SASH1: variants seen among roughly 807,000 people sequenced by gnomAD.
SASH1 encodes SAM and SH3 domain-containing protein 1.
In SASH1, 44 loss-of-function variants were observed where a neutral mutation model predicts 125.2. That is an observed-to-expected ratio of 0.35 (90% CI 0.28 to 0.45). The LOEUF (loss-of-function observed/expected upper bound fraction) is 0.45, where lower values mean the gene tolerates loss of function less well. Among genes scored for constraint, SASH1 ranks in the 20% least tolerant of loss-of-function variants. The probability of loss-of-function intolerance (pLI) is 1.00; values close to 1 mark genes in which losing one functional copy is unlikely to be tolerated. For missense variants in SASH1, 1,426 were observed against 1,614.5 expected (o/e 0.88, Z 2.00); for synonymous variants, 639 against 649.1 (o/e 0.98, Z 0.24).
At chr6:148,379,180 A>G (rs143986598) in intron 1 of SASH1, among the ~76,000 whole-genome samples, 6 of 152,248 alleles carry the variant, frequency 3.9e-5, no homozygotes, top group African/African-American at 4.8e-5. Context: ...ATCTATGGCT[A>G]TTGAATTCAT....
At chr6:148,412,066 A>C (rs1190567858) in intron 2 of SASH1, among the ~76,000 whole-genome samples, 1 of 152,096 alleles carries the variant, frequency 6.6e-6, no homozygotes, top group Non-Finnish European at 1.5e-5. Context: ...GAATGTTGCC[A>C]CTCATGACTC....
At position 148,493,489 on chromosome 6, in the gene SASH1, C is replaced by T. The variant is rs138774540; in HGVS notation, c.729+5774C>T. 2.6e-3 allele frequency among the ~76,000 whole-genome samples: 396 copies of T among 152,276 alleles called. 3 individuals are homozygous for T. The highest frequency in any genetic ancestry group is 9.1e-3 in the African/African-American group (377 of 41,542). On this transcript the variant is annotated intron_variant, in intron 8 of 19. Coordinates refer to ENST00000367467, the MANE Select transcript of SASH1 (RefSeq NM_015278.5). ...TTTCTATCGATTCCTTTCTAGAATA[C>T]AGAGATGTGAATAGCCCACTGGCTC...
chr6:148,439,011 G>GTA (rs1206658831), intron 2 of SASH1, among the ~76,000 whole-genome samples: 1 of 152,082 alleles, frequency 6.6e-6, no homozygotes, highest in Non-Finnish European at 1.5e-5. Flanking sequence ...ATCAACAAAA[G>GTA]GTTTTCGGTA....
chr6:148,368,768 G>GCGCGCA (rs1782583664), intron 1 of SASH1, among the ~76,000 whole-genome samples: 2 of 70,486 alleles, frequency 2.8e-5, no homozygotes, highest in South Asian at 3.9e-4. Flanking sequence ...GCGCACGCGC[G>GCGCGCA]CGCACACACA....
chr6:148,431,011 C>A (rs1024808234), intron 2 of SASH1, among the ~76,000 whole-genome samples: 2 of 152,198 alleles, frequency 1.3e-5, no homozygotes, highest in African/African-American at 2.4e-5. Context: ...CAGCAGGGAG[C>A]AGAACTGGAC....
intron 7 of SASH1, among the ~76,000 whole-genome samples, chr6:148,474,613 C>T (rs1229889178): frequency 1.3e-5 from 2 of 152,114 alleles, no homozygotes; most frequent in Non-Finnish European, 2.9e-5. Flanking sequence ...ACTATGTTGC[C>T]CAGACTGTAG....
At position 148,531,573 on chromosome 6, in the gene SASH1, C is replaced by T. The variant is rs771968001; in HGVS notation, c.1476C>T (p.Pro492=). ...CTGGCTCCCCTCCGCCTTCACAGCC[C>T]GACCCCGAACACTTGGACAAGCCCA... is the stretch of plus-strand genomic sequence containing the variant. The part of the protein sequence containing the change: ...GMPGSPPPSQ[P]DPEHLDKPKL... The change falls in exon 13 of 20, where the codon CCC becomes CCT. Residue 492 remains proline (P), a synonymous_variant. Transcript: ENST00000367467. 1.3e-5 allele frequency: 21 copies of T among 1,570,004 alleles called. No individual in the cohort carries two copies. Among genetic ancestry groups the T allele is most frequent in the Admixed American group, 7.3e-5 (4 of 54,876 alleles).
chr6:148,233,742 C>CAAAAAAAAAAAAAAAAAAAAA, the SASH1 span, among the ~76,000 whole-genome samples: 55 of 60,528 alleles, frequency 9.1e-4, 4 homozygotes, highest in South Asian at 3.6e-3. Context: ...TTCCTCTCTA[C>CAAAAAAAAAAAAAAAAAAAAA]AAAAAAAAAA....
chr6:148,488,573 A>G (rs1778973756), intron 8 of SASH1, among the ~76,000 whole-genome samples: 1 of 152,238 alleles, frequency 6.6e-6, no homozygotes, highest in African/African-American at 2.4e-5. Context: ...AGGAACCGCC[A>G]TATGTTTTCT....
intron 17 of SASH1, among the ~76,000 whole-genome samples, chr6:148,542,822 T>A (rs966115294): frequency 6.6e-6 from 1 of 151,890 alleles, no homozygotes; most frequent in Non-Finnish European, 1.5e-5. Flanking sequence ...ACAACAAACA[T>A]GTTATCAACC....
intron 1 of SASH1, among the ~76,000 whole-genome samples, chr6:148,386,440 GA>G: frequency 6.6e-6 from 1 of 152,198 alleles, no homozygotes; most frequent in Non-Finnish European, 1.5e-5. Flanking sequence ...GTTTTAGAGA[GA>G]AACCAGTATT....
intron 11 of SASH1, 88 bp downstream of exon 11, chr6:148,525,453 A>G (rs1781087638): frequency 9.3e-7 from 1 of 1,072,256 alleles, no homozygotes; most frequent in African/African-American, 1.5e-5. Context: ...GAGAATTGAT[A>G]CTGGGTACCG....
the SASH1 span, among the ~76,000 whole-genome samples, chr6:148,195,265 TG>T: frequency 1.4e-3 from 215 of 152,374 alleles, no homozygotes; most frequent in African/African-American, 4.7e-3. Flanking sequence ...TTTTTCTGCA[TG>T]TCCTCCAGGC....
intron 1 of SASH1, among the ~76,000 whole-genome samples, chr6:148,374,508 G>T (rs1345389245): frequency 1.3e-5 from 2 of 152,154 alleles, no homozygotes; most frequent in East Asian, 3.9e-4. Flanking sequence ...ACAGTAACTG[G>T]GTTAGGAGAA....
chr6:148,233,399 C>T, the SASH1 span, among the ~76,000 whole-genome samples: 6 of 151,966 alleles, frequency 3.9e-5, no homozygotes, highest in African/African-American at 1.5e-4. Flanking sequence ...CTTCACCCAC[C>T]CAGTGTCCAC....
At chr6:148,286,714 G>C (rs1213323619) in intron 1 of SASH1, among the ~76,000 whole-genome samples, 1 of 152,110 alleles carries the variant, frequency 6.6e-6, no homozygotes, top group Non-Finnish European at 1.5e-5. Flanking sequence ...GCCCACCCTA[G>C]TGACTCATTT....
chr6:148,269,003 A>C (rs1432940678), upstream of SASH1, among the ~76,000 whole-genome samples: 1 of 152,246 alleles, frequency 6.6e-6, no homozygotes, highest in Non-Finnish European at 1.5e-5. Context: ...TTTCATGTGC[A>C]TTCACCATGC....
chr6:148,272,910 T>C (rs1391433743), intron 1 of SASH1, among the ~76,000 whole-genome samples: 2 of 152,164 alleles, frequency 1.3e-5, no homozygotes, highest in Admixed American at 1.3e-4. Flanking sequence ...TCGTCTTCTC[T>C]GTGGAAATCG....
chr6:148,490,797 A>G (rs994378115), intron 8 of SASH1, among the ~76,000 whole-genome samples: 1 of 152,164 alleles, frequency 6.6e-6, no homozygotes, highest in Non-Finnish European at 1.5e-5. Flanking sequence ...CACACTTAAA[A>G]TTCTATGTGA....
Sources: allele counts gnomAD v4.1 joint callset (sites outside exome capture counted in the v4.1 genomes callset), GRCh38; gene constraint gnomAD v4.1.1; transcripts MANE v1.5; gene names NCBI Gene and HGNC (gene_info 2026-07-23, HGNC 2026-07-21).